ARHGAP26: variants seen among roughly 807,000 people sequenced by gnomAD.
ARHGAP26 encodes Rho GTPase activating protein 26, also known as rho GTPase-activating protein 26.
In ARHGAP26, 38 loss-of-function variants were observed where a neutral mutation model predicts 104.8. The ratio of observed to expected loss-of-function variants is 0.36; its 90% CI spans 0.28 to 0.48. The LOEUF is 0.48. Ranked by LOEUF, ARHGAP26 falls within the 20% of genes least tolerant of loss-of-function variation. The probability of loss-of-function intolerance (pLI) is 0.99; values close to 1 mark genes in which losing one functional copy is unlikely to be tolerated. For missense variants in ARHGAP26, 704 were observed against 947.9 expected (o/e 0.74, Z 3.38); for synonymous variants, 341 against 340.0 (o/e 1.00, Z -0.03).
intron 19 of ARHGAP26, 131 bp from the exon 20 acceptor site, chr5:143,147,100 G>A (rs910961941): frequency 9.7e-6 from 11 of 1,133,406 alleles, no homozygotes; most frequent in Non-Finnish European, 1.4e-5. Context: ...CCTTTTCTAT[G>A]TTGTTTCTTA....
At chr5:142,946,331 A>C (rs1767090309) in intron 11 of ARHGAP26, among the ~76,000 whole-genome samples, 1 of 152,190 alleles carries the variant, frequency 6.6e-6, no homozygotes, top group African/African-American at 2.4e-5. Flanking sequence ...ATCTTACTAG[A>C]CATTCCGAGC....
intron 1 of ARHGAP26, among the ~76,000 whole-genome samples, chr5:142,869,200 T>C (rs1359504422): frequency 3.0e-5 from 4 of 133,704 alleles, no homozygotes; most frequent in African/African-American, 6.3e-5. Context: ...TTTTTCTTTT[T>C]CTTTTTTCTT....
intron 18 of ARHGAP26, among the ~76,000 whole-genome samples, chr5:143,124,307 C>G (rs948664017): frequency 6.6e-6 from 1 of 152,212 alleles, no homozygotes; most frequent in Non-Finnish European, 1.5e-5. Context: ...TGGAGCCACT[C>G]CATTGACGGA....
At chr5:143,178,350 T>G (rs1234022123) in intron 20 of ARHGAP26, among the ~76,000 whole-genome samples, 1 of 152,158 alleles carries the variant, frequency 6.6e-6, no homozygotes, top group African/African-American at 2.4e-5. Flanking sequence ...GACCTTTGGA[T>G]TCAAAGTTCA....
chr5:142,855,610 C>G (rs963925638), intron 1 of ARHGAP26, among the ~76,000 whole-genome samples: 6 of 152,188 alleles, frequency 3.9e-5, no homozygotes, highest in African/African-American at 4.8e-5. Context: ...GTACTAGACA[C>G]TATTCCTTCC....
chr5:143,044,323 C>A (rs1473634722), intron 14 of ARHGAP26, among the ~76,000 whole-genome samples: 1 of 152,184 alleles, frequency 6.6e-6, no homozygotes, highest in Non-Finnish European at 1.5e-5. Context: ...TTCTCATGTT[C>A]TCTGACCTCT....
intron 17 of ARHGAP26, among the ~76,000 whole-genome samples, chr5:143,100,945 T>C (rs76495449): frequency 0.011 from 1,625 of 152,196 alleles, 34 homozygotes; most frequent in East Asian, 0.086. Context: ...ATTGAAAAAC[T>C]AGCTGAGTGT....
intron 6 of ARHGAP26, among the ~76,000 whole-genome samples, chr5:142,896,597 C>T (rs1422923629): frequency 1.3e-5 from 2 of 152,194 alleles, no homozygotes; most frequent in Admixed American, 1.3e-4. Flanking sequence ...TCCCCCTCTT[C>T]CTTCCTTCTT....
At chr5:142,998,230 C>G (rs1016198961) in intron 11 of ARHGAP26, among the ~76,000 whole-genome samples, 1 of 151,840 alleles carries the variant, frequency 6.6e-6, no homozygotes, top group African/African-American at 2.4e-5. Flanking sequence ...TTATATATTC[C>G]TTTTATGTTA....
At chr5:142,833,349 C>G (rs1692926959) in intron 1 of ARHGAP26, among the ~76,000 whole-genome samples, 1 of 152,002 alleles carries the variant, frequency 6.6e-6, no homozygotes, top group South Asian at 2.1e-4. Context: ...GCATGAGCCA[C>G]TGTGCCTGGC....
chr5:143,052,600 A>C (rs573285140), intron 14 of ARHGAP26, among the ~76,000 whole-genome samples: 1 of 152,294 alleles, frequency 6.6e-6, no homozygotes, highest in South Asian at 2.1e-4. Context: ...TGAGAGCCAC[A>C]TGTTTCTGAG....
intron 18 of ARHGAP26, among the ~76,000 whole-genome samples, chr5:143,128,322 G>A (rs935986628): frequency 6.6e-6 from 1 of 152,126 alleles, no homozygotes; most frequent in Admixed American, 6.5e-5. Flanking sequence ...AAAGAGAACA[G>A]GAAATAGAAT....
chr5:142,978,665 A>C (rs927886314), intron 11 of ARHGAP26, among the ~76,000 whole-genome samples: 4 of 152,052 alleles, frequency 2.6e-5, no homozygotes, highest in African/African-American at 9.7e-5. Flanking sequence ...ATCAATTGGC[A>C]TGATACTTTC....
At chr5:143,057,847 T>G (rs1750965060) in intron 17 of ARHGAP26, 100 bp downstream of exon 17, 2 of 980,236 alleles carry the variant, frequency 2.0e-6, no homozygotes, top group Middle Eastern at 4.1e-4. Flanking sequence ...TCTCTCCCAC[T>G]ATTGCATCAG....
intron 17 of ARHGAP26, among the ~76,000 whole-genome samples, chr5:143,083,206 G>C (rs563799804): frequency 6.6e-6 from 1 of 152,214 alleles, no homozygotes; most frequent in South Asian, 2.1e-4. Context: ...ATTAGGCCAC[G>C]GATCACTTCC....
chr5:143,209,654 G>T (rs34240649), intron 21 of ARHGAP26, among the ~76,000 whole-genome samples: 29,166 of 151,898 alleles, frequency 0.19, 2,972 homozygotes, highest in South Asian at 0.31. Flanking sequence ...GGTGGTGGGC[G>T]CCTGTAATCC....
At chr5:142,865,911 G>A (rs749239842) in intron 1 of ARHGAP26, among the ~76,000 whole-genome samples, 3 of 152,076 alleles carry the variant, frequency 2.0e-5, no homozygotes, top group Non-Finnish European at 4.4e-5. Flanking sequence ...GCATCTCCTT[G>A]CTCCATGTTT....
At chr5:143,008,545 G>A (rs1033197387) in intron 11 of ARHGAP26, among the ~76,000 whole-genome samples, 5 of 152,198 alleles carry the variant, frequency 3.3e-5, no homozygotes, top group African/African-American at 1.2e-4. Context: ...GAAAACCTCA[G>A]GGGATCATAG....
At chr5:143,072,692 T>G (rs1788448595) in intron 17 of ARHGAP26, among the ~76,000 whole-genome samples, 1 of 152,012 alleles carries the variant, frequency 6.6e-6, no homozygotes, top group African/African-American at 2.4e-5. Context: ...CTAAAAAAGG[T>G]CGATCTCATA....
Sources: allele counts gnomAD v4.1 joint callset (sites outside exome capture counted in the v4.1 genomes callset), GRCh38; gene constraint gnomAD v4.1.1; transcripts MANE v1.5; gene names NCBI Gene and HGNC (gene_info 2026-07-23, HGNC 2026-07-21).